The following SDK1 variants were observed in gnomAD, a reference collection of about 807,000 sequenced individuals.
SDK1 encodes the protein protein sidekick-1.
Under a neutral mutation model 245.5 loss-of-function variants are expected in SDK1, and 157 were observed. The observed-to-expected ratio is 0.64, with a 90% CI of 0.56 to 0.73. SDK1 has a LOEUF of 0.73. SDK1 is among the 30% of genes least tolerant of loss of function. SDK1 has a pLI of 0.00. For missense variants in SDK1, 3,583 were observed against 3,002.3 expected (o/e 1.19, Z -4.52); for synonymous variants, 1,647 against 1,278.5 (o/e 1.29, Z -6.15).
chr7:4,066,617 A>G (rs1472108630), intron 19 of SDK1, among the ~76,000 whole-genome samples: 2 of 152,214 alleles, frequency 1.3e-5, no homozygotes, highest in South Asian at 2.1e-4. Context: ...TCCTCCAGAT[A>G]GCCAGGCATC....
intron 1 of SDK1, among the ~76,000 whole-genome samples, chr7:3,459,495 A>G (rs1780771621): frequency 6.6e-6 from 1 of 152,054 alleles, no homozygotes; most frequent in Non-Finnish European, 1.5e-5. Context: ...TCCTTCCTTA[A>G]TGTGTTAATT....
At chr7:4,049,564 G>A (rs768222667) in intron 18 of SDK1, 101 bp downstream of exon 18, 7 of 864,172 alleles carry the variant, frequency 8.1e-6, no homozygotes, top group Non-Finnish European at 7.6e-6. Context: ...AGAGCTGGTT[G>A]CATTAAGATA....
At chr7:3,641,696 TG>T (rs1266062628) in intron 3 of SDK1, among the ~76,000 whole-genome samples, 5 of 152,248 alleles carry the variant, frequency 3.3e-5, no homozygotes, top group African/African-American at 1.2e-4. Context: ...GACATTTCCT[TG>T]TATTGTCAGG....
chr7:3,353,226 C>A (rs929798955), intron 1 of SDK1, among the ~76,000 whole-genome samples: 11 of 152,042 alleles, frequency 7.2e-5, no homozygotes, highest in Admixed American at 6.6e-4. Flanking sequence ...AGATTATATC[C>A]CTTTTTACTA....
intron 5 of SDK1, among the ~76,000 whole-genome samples, chr7:3,885,373 A>G (rs1781312959): frequency 6.6e-6 from 1 of 152,204 alleles, no homozygotes; most frequent in East Asian, 1.9e-4. Flanking sequence ...GAAGCCACCT[A>G]TGACACACAC....
chr7:3,899,695 A>G (rs1781717573), intron 5 of SDK1, among the ~76,000 whole-genome samples: 1 of 152,182 alleles, frequency 6.6e-6, no homozygotes, highest in Non-Finnish European at 1.5e-5. Flanking sequence ...AGCCCCGTGG[A>G]AGCACCTCCT....
chr7:3,570,371 C>T (rs767142995), intron 1 of SDK1, among the ~76,000 whole-genome samples: 1 of 152,134 alleles, frequency 6.6e-6, no homozygotes, highest in Non-Finnish European at 1.5e-5. Context: ...CGCCTCTGAC[C>T]TGACGGGAGG....
intron 13 of SDK1, among the ~76,000 whole-genome samples, chr7:3,975,826 G>T (rs1383663135): frequency 6.6e-6 from 1 of 152,248 alleles, no homozygotes; most frequent in Non-Finnish European, 1.5e-5. Context: ...TTAGGAAGCG[G>T]CAGGAGTCCC....
chr7:3,834,810 T>A (rs1779994207), intron 5 of SDK1, among the ~76,000 whole-genome samples: 3 of 152,322 alleles, frequency 2.0e-5, no homozygotes, highest in African/African-American at 7.2e-5. Context: ...CAGTAAATAC[T>A]TGTCCAGTGA....
At chr7:4,079,139 A>G (rs1225792589) in intron 21 of SDK1, among the ~76,000 whole-genome samples, 2 of 152,214 alleles carry the variant, frequency 1.3e-5, no homozygotes, top group Non-Finnish European at 2.9e-5. Context: ...TCCTTTCCTC[A>G]TTCAGCCAGC....
At chr7:3,626,435 C>A (rs986026979) in intron 2 of SDK1, among the ~76,000 whole-genome samples, 30 of 152,342 alleles carry the variant, frequency 2.0e-4, no homozygotes. Context: ...TGGACCAAGT[C>A]TCAAGGCTAT....
chr7:3,351,354 T>C (rs573891918), intron 1 of SDK1, among the ~76,000 whole-genome samples: 2 of 152,188 alleles, frequency 1.3e-5, no homozygotes, highest in Non-Finnish European at 2.9e-5. Flanking sequence ...GGAGAAAAAT[T>C]AGAAAATGGA....
At chr7:3,951,662 C>G (rs996342128) in intron 6 of SDK1, 68 bp from the exon 7 acceptor site, 224 of 1,442,734 alleles carry the variant, frequency 1.6e-4, no homozygotes, top group Non-Finnish European at 1.9e-4. Flanking sequence ...TGCCGAGTGC[C>G]TGAGATGATG....
rs145887862 is a variant in SDK1, at chr7:3,331,570, CTT to C, written c.298+29689_298+29690del. ...GTATGATTTTCAATCTGTGGGTCCT[CTT>C]TTCACTTTCTTGATGGCATTCATTG... On this transcript the variant is annotated intron_variant, in intron 1 of 44. Transcript: ENST00000404826. Among the ~76,000 whole-genome samples the C allele has an allele frequency of 8.8e-3, 1,345 of 152,256 alleles. 17 individuals are homozygous for C. Among genetic ancestry groups the C allele is most frequent in the African/African-American group, 0.031 (1,276 of 41,548 alleles).
At chr7:3,500,086 G>A (rs886758546) in intron 1 of SDK1, among the ~76,000 whole-genome samples, 2 of 152,112 alleles carry the variant, frequency 1.3e-5, no homozygotes, top group Non-Finnish European at 2.9e-5. Context: ...AAAGGTGGTT[G>A]GGTGGGTGAG....
chr7:4,033,289 C>T (rs969223239), intron 17 of SDK1, among the ~76,000 whole-genome samples: 16 of 152,030 alleles, frequency 1.1e-4, no homozygotes, highest in African/African-American at 3.1e-4. Context: ...CATTCCCTAC[C>T]CCCATATACA....
chr7:3,568,454 C>T (rs1210103131), intron 1 of SDK1, among the ~76,000 whole-genome samples: 2 of 152,084 alleles, frequency 1.3e-5, no homozygotes, highest in African/African-American at 4.8e-5. Context: ...TTTCTTCTGG[C>T]CGGAGACCAT....
At chr7:4,232,400 T>TTCTTG in intron 40 of SDK1, among the ~76,000 whole-genome samples, 1 of 115,082 alleles carries the variant, frequency 8.7e-6, no homozygotes, top group Admixed American at 8.8e-5. Context: ...TTCTTTTCTT[T>TTCTTG]TCTTTTCTTT....
intron 3 of SDK1, among the ~76,000 whole-genome samples, chr7:3,640,573 A>C (rs954810336): frequency 6.6e-6 from 1 of 152,208 alleles, no homozygotes; most frequent in Admixed American, 6.5e-5. Context: ...GTGAAGACGA[A>C]TACCTAAATT....
Sources: allele counts gnomAD v4.1 joint callset (sites outside exome capture counted in the v4.1 genomes callset), GRCh38; gene constraint gnomAD v4.1.1; transcripts MANE v1.5; gene names NCBI Gene and HGNC (gene_info 2026-07-23, HGNC 2026-07-21).